Variants in PIK3CD observed in about 807,000 individuals in gnomAD.
The protein encoded by PIK3CD is phosphatidylinositol 4,5-bisphosphate 3-kinase catalytic subunit delta isoform.
In PIK3CD, 20 loss-of-function variants were observed where a neutral mutation model predicts 122.9. The observed-to-expected ratio is 0.16, with a 90% CI of 0.11 to 0.24. The LOEUF (loss-of-function observed/expected upper bound fraction) is 0.24, where lower values mean the gene tolerates loss of function less well. Among genes scored for constraint, PIK3CD ranks in the 10% least tolerant of loss-of-function variants. The pLI is 1.00. For missense variants in PIK3CD, 787 were observed against 1,406.3 expected (o/e 0.56, Z 7.04); for synonymous variants, 596 against 593.4 (o/e 1.00, Z -0.06).
chr1:9,670,693 T>C (rs992483137), intron 1 of PIK3CD, among the ~76,000 whole-genome samples: 5 of 152,210 alleles, frequency 3.3e-5, no homozygotes, highest in African/African-American at 1.2e-4. Flanking sequence ...TTGCAGTTTT[T>C]ACCATTGGAT....
chr1:9,697,222 T>A (rs1646455094), intron 2 of PIK3CD, among the ~76,000 whole-genome samples: 2 of 150,726 alleles, frequency 1.3e-5, no homozygotes, highest in Non-Finnish European at 3.0e-5. Flanking sequence ...CATAAAAGAT[T>A]TTTTAAAAAT....
chr1:9,640,958 G>A, the PIK3CD span, among the ~76,000 whole-genome samples: 82 of 152,244 alleles, frequency 5.4e-4, no homozygotes, highest in African/African-American at 1.8e-3. Context: ...CTTCTCCTCC[G>A]TCAGTTCATC....
At chr1:9,670,131 CAA>C (rs1204700957) in intron 1 of PIK3CD, among the ~76,000 whole-genome samples, 1 of 96,554 alleles carries the variant, frequency 1.0e-5, no homozygotes, top group East Asian at 3.0e-4. Context: ...GCCTGGGTGA[CAA>C]GAGAGAAATT....
At chr1:9,633,085 T>G in the PIK3CD span, among the ~76,000 whole-genome samples, 1 of 151,818 alleles carries the variant, frequency 6.6e-6, no homozygotes, top group African/African-American at 2.4e-5. Context: ...ATGGTCTCCA[T>G]CTCCTGACCT....
At chr1:9,665,754 TC>T (rs1441181258) in intron 1 of PIK3CD, among the ~76,000 whole-genome samples, 2 of 152,060 alleles carry the variant, frequency 1.3e-5, no homozygotes, top group African/African-American at 2.4e-5. Context: ...ACCCTTTCAT[TC>T]TTTTTTTTTG....
chr1:9,674,761 G>A (rs1645453265), intron 1 of PIK3CD, among the ~76,000 whole-genome samples: 1 of 151,718 alleles, frequency 6.6e-6, no homozygotes, highest in South Asian at 2.1e-4. Flanking sequence ...GCCGGACACT[G>A]TGGTTCATGC....
chr1:9,664,336 A>G (rs1645098723), intron 1 of PIK3CD, among the ~76,000 whole-genome samples: 1 of 152,178 alleles, frequency 6.6e-6, no homozygotes, highest in Admixed American at 6.6e-5. Context: ...GGCGTGAACC[A>G]CTGCACCCAG....
Position 9,723,915 on chromosome 1 carries a change from G to A in PIK3CD, c.2595-54G>A. ...GAGAGGGAGTAATAACCCACCTCTT[G>A]ATAGGCGGAGCTGCAAAATGGTATG... On this transcript the variant is annotated intron_variant, in intron 20 of 23. Transcript: ENST00000377346. This position sits in a 1 kb window ranked among gnomAD's most constrained non-coding sequence, Gnocchi z 4.9. 6.4e-7 allele frequency: 1 copy of A among 1,564,194 alleles called. No homozygotes were observed. The highest frequency in any genetic ancestry group is 8.8e-7 in the Non-Finnish European group (1 of 1,135,906).
rs1646546614 is a variant in PIK3CD at position 9,699,537 on chromosome 1, C to G, written c.-33+7966C>G. Among the ~76,000 whole-genome samples, 2 of 152,140 alleles carry G rather than the reference C, an allele frequency of 1.3e-5. 1 individual carries two copies. The highest frequency in any genetic ancestry group is 4.1e-4 in the South Asian group (2 of 4,830). ...TCAGACTCACCGTCTCTCCCAGTCA[C>G]CCTCTCCCAGTCACGCCCTTGACTT... On this transcript the variant is annotated intron_variant, in intron 2 of 23. Transcript: ENST00000377346.
intron 2 of PIK3CD, among the ~76,000 whole-genome samples, chr1:9,703,234 T>C (rs980333456): frequency 6.6e-6 from 1 of 152,220 alleles, no homozygotes; most frequent in Non-Finnish European, 1.5e-5. Context: ...CATCCTGGAA[T>C]CCTATAGTCA....
In PIK3CD at chr1:9,722,014, G is replaced by GTCAA; in HGVS notation, c.2096_2099dup (p.Lys700AsnfsTer45). ...CAAACTGAAGGCCCTGAATGACTTC[G>GTCAA]TCAAGCTGAGCTCTCAGAAGACCCC... On this transcript the variant is annotated frameshift_variant, in exon 17 of 24. Coordinates refer to ENST00000377346, the MANE Select transcript of PIK3CD (RefSeq NM_005026.5). LOFTEE classifies it high-confidence loss of function. This position sits in a 1 kb window ranked among gnomAD's most constrained non-coding sequence, Gnocchi z 7.6. The GTCAA allele has an allele frequency of 6.2e-7, 1 of 1,613,722 alleles. No homozygotes were observed. The highest frequency in any genetic ancestry group is 8.5e-7 in the Non-Finnish European group (1 of 1,180,032).
chr1:9,725,230 G>A (rs544311575), intron 23 of PIK3CD, among the ~76,000 whole-genome samples: 1 of 152,344 alleles, frequency 6.6e-6, no homozygotes, highest in Non-Finnish European at 1.5e-5. Context: ...CTAGGGGGCC[G>A]CGTGAGCGCT....
At chr1:9,708,536 G>A (rs1646930907) in intron 2 of PIK3CD, among the ~76,000 whole-genome samples, 1 of 152,028 alleles carries the variant, frequency 6.6e-6, no homozygotes, top group Non-Finnish European at 1.5e-5. Context: ...ATACATGTTG[G>A]TATAATAAAA....
At chr1:9,684,255 G>C (rs1479405308) in intron 1 of PIK3CD, among the ~76,000 whole-genome samples, 1 of 152,114 alleles carries the variant, frequency 6.6e-6, no homozygotes, top group East Asian at 1.9e-4. Flanking sequence ...GAGCAATGCA[G>C]GCTGGGCGCA....
intron 1 of PIK3CD, chr1:9,653,813 C>T: frequency 7.3e-7 from 1 of 1,367,484 alleles, no homozygotes; most frequent in Non-Finnish European, 9.8e-7. Context: ...GCCATCTTGG[C>T]TGGTGAGAGG....
chr1:9,672,478 G>A (rs1645361053), intron 1 of PIK3CD: 1 of 152,070 alleles, frequency 6.6e-6, no homozygotes, highest in Non-Finnish European at 1.5e-5. Flanking sequence ...TCCTAGGCTG[G>A]ACTGCAGTGG....
the PIK3CD span, among the ~76,000 whole-genome samples, chr1:9,646,663 C>A: frequency 2.6e-5 from 4 of 152,090 alleles, no homozygotes; most frequent in Non-Finnish European, 5.9e-5. Context: ...TGTAAAAAGT[C>A]AAGACTGAGC....
At chr1:9,630,081 G>C in the PIK3CD span, among the ~76,000 whole-genome samples, 1,851 of 152,316 alleles carry the variant, frequency 0.012, 39 homozygotes, top group African/African-American at 0.042. Context: ...TGGCCCACGG[G>C]GGGAGCAGAG....
At chr1:9,661,101 A>G (rs1483801701) in intron 1 of PIK3CD, among the ~76,000 whole-genome samples, 2 of 151,908 alleles carry the variant, frequency 1.3e-5, no homozygotes, top group Admixed American at 1.3e-4. Flanking sequence ...CGCCCAGATA[A>G]TTTGTGTATT....
Sources: gnomAD v4.1 joint callset for allele counts (sites outside exome capture counted in the v4.1 genomes callset) on GRCh38, gnomAD v4.1.1 for gene constraint, Gnocchi (gnomAD v3.1) non-coding constraint, MANE v1.5 for transcripts, NCBI Gene and HGNC (gene_info 2026-07-23, HGNC 2026-07-21) for gene names.